The following GABRG3 variants were observed in gnomAD, a reference collection of about 807,000 sequenced individuals.
The protein encoded by GABRG3 is gamma-aminobutyric acid receptor subunit gamma-3.
GABRG3 carries 25 observed loss-of-function variants against 48.8 expected under a neutral mutation model. The observed-to-expected ratio is 0.51, with a 90% confidence interval of 0.37 to 0.72. The LOEUF (loss-of-function observed/expected upper bound fraction) is 0.72. Among genes scored for constraint, GABRG3 ranks in the 30% least tolerant of loss-of-function variants. The pLI, the probability that GABRG3 is intolerant of heterozygous loss-of-function variation, is 0.00. For synonymous variants in GABRG3, 227 were observed against 217.6 expected (o/e 1.04, Z -0.38); for missense variants, 394 against 577.9 (o/e 0.68, Z 3.26).
chr15:27,125,377 G>A (rs770038087), intron 3 of GABRG3, among the ~76,000 whole-genome samples: 2 of 152,068 alleles, frequency 1.3e-5, no homozygotes, highest in African/African-American at 4.8e-5. Flanking sequence ...GTGGGGAGAG[G>A]TTTGTTAATG....
intron 3 of GABRG3, among the ~76,000 whole-genome samples, chr15:27,189,848 T>C (rs1431812869): frequency 2.0e-5 from 3 of 152,098 alleles, no homozygotes; most frequent in African/African-American, 7.2e-5. Flanking sequence ...TTCAGTATGA[T>C]ATTGGCTGTG....
intron 3 of GABRG3, among the ~76,000 whole-genome samples, chr15:27,027,692 T>TA (rs1372774555): frequency 6.6e-6 from 1 of 152,228 alleles, no homozygotes; most frequent in African/African-American, 2.4e-5. Context: ...GTGATTCACT[T>TA]AAAAAATCTC....
intron 5 of GABRG3, among the ~76,000 whole-genome samples, chr15:27,347,702 T>A (rs1894422207): frequency 1.3e-5 from 2 of 152,186 alleles, no homozygotes; most frequent in South Asian, 4.1e-4. Flanking sequence ...CAGGAAAGTG[T>A]TGGGGGACCC....
chr15:27,129,110 A>G (rs1359264691), intron 3 of GABRG3, among the ~76,000 whole-genome samples: 1 of 152,224 alleles, frequency 6.6e-6, no homozygotes, highest in African/African-American at 2.4e-5. Context: ...GTTCAGTGTC[A>G]TTAAGAACAT....
chr15:27,015,332 A>C (rs2140670266), intron 2 of GABRG3, among the ~76,000 whole-genome samples: 1 of 150,972 alleles, frequency 6.6e-6, no homozygotes, highest in East Asian at 1.9e-4. Flanking sequence ...GATGTATTAT[A>C]ACTTTCTGCC....
intron 3 of GABRG3, among the ~76,000 whole-genome samples, chr15:27,320,449 G>A (rs1306926321): frequency 3.9e-5 from 6 of 152,128 alleles, no homozygotes; most frequent in Non-Finnish European, 8.8e-5. Context: ...CACAGCTTGT[G>A]TGTGGGAGCC....
At chr15:27,302,326 C>A (rs1351730985) in intron 3 of GABRG3, among the ~76,000 whole-genome samples, 1 of 151,960 alleles carries the variant, frequency 6.6e-6, no homozygotes, top group African/African-American at 2.4e-5. Flanking sequence ...TCAGTCTAAG[C>A]AGATTGTGAA....
intron 3 of GABRG3, among the ~76,000 whole-genome samples, chr15:27,290,279 T>A (rs1301482629): frequency 2.0e-5 from 3 of 152,102 alleles, no homozygotes; most frequent in Admixed American, 6.6e-5. Flanking sequence ...GCAAATCTTA[T>A]ATACAGAAAA....
At chr15:27,034,688 T>C (rs990904395) in intron 3 of GABRG3, among the ~76,000 whole-genome samples, 21 of 152,202 alleles carry the variant, frequency 1.4e-4, no homozygotes. Context: ...CCATGAGCCC[T>C]GGACCAAGGC....
intron 2 of GABRG3, among the ~76,000 whole-genome samples, chr15:26,977,930 G>A (rs531583906): frequency 4.6e-5 from 7 of 152,176 alleles, no homozygotes; most frequent in South Asian, 2.1e-4. Context: ...ACTATTTTTC[G>A]TTTCCCCCAG....
At chr15:27,518,300 C>T (rs1446409676) in intron 6 of GABRG3, among the ~76,000 whole-genome samples, 1 of 144,738 alleles carries the variant, frequency 6.9e-6, no homozygotes. Context: ...ACCTGGAAGG[C>T]GGAGGTTGCA....
At chr15:27,238,210 T>C (rs1890034427) in intron 3 of GABRG3, among the ~76,000 whole-genome samples, 1 of 151,132 alleles carries the variant, frequency 6.6e-6, no homozygotes, top group African/African-American at 2.4e-5. Context: ...GGATGAGGAA[T>C]GTATGCTTCC....
chr15:27,214,138 C>T (rs753088061), intron 3 of GABRG3, among the ~76,000 whole-genome samples: 12 of 152,100 alleles, frequency 7.9e-5, no homozygotes, highest in Non-Finnish European at 1.3e-4. Flanking sequence ...CTCTGATGGG[C>T]TCAATGTCAG....
chr15:27,224,321 C>T (rs1052014841), intron 3 of GABRG3, among the ~76,000 whole-genome samples: 2 of 152,184 alleles, frequency 1.3e-5, no homozygotes, highest in Admixed American at 6.5e-5. Context: ...AGTGCAGAAC[C>T]GTTTTCTTAG....
chr15:27,138,760 T>C (rs1296488972), intron 3 of GABRG3, among the ~76,000 whole-genome samples: 1 of 152,240 alleles, frequency 6.6e-6, no homozygotes, highest in African/African-American at 2.4e-5. Context: ...CATTGTCTTT[T>C]GGTTTTGCCT....
intron 3 of GABRG3, among the ~76,000 whole-genome samples, chr15:27,054,441 G>A (rs1024529256): frequency 2.0e-5 from 3 of 151,998 alleles, no homozygotes; most frequent in South Asian, 2.1e-4. Flanking sequence ...CAAGGAAGAA[G>A]GAAATAAGCA....
intron 5 of GABRG3, among the ~76,000 whole-genome samples, chr15:27,410,987 G>T (rs1566828842): frequency 6.6e-6 from 1 of 152,156 alleles, no homozygotes; most frequent in East Asian, 1.9e-4. Context: ...CATCAGCGAT[G>T]AGACATTAGG....
intron 3 of GABRG3, among the ~76,000 whole-genome samples, chr15:27,089,040 G>A (rs1257978943): frequency 6.6e-6 from 1 of 152,150 alleles, no homozygotes; most frequent in Non-Finnish European, 1.5e-5. Context: ...TGAGCAGGGC[G>A]TCTGAGAGCA....
chr15:27,349,741 A>G (rs143410031), intron 5 of GABRG3, among the ~76,000 whole-genome samples: 12,565 of 152,154 alleles, frequency 0.083, 1,354 homozygotes, highest in African/African-American at 0.25. Flanking sequence ...GCACAGGCAC[A>G]GTTTATCAAA....
Sources: allele counts gnomAD v4.1 joint callset (sites outside exome capture counted in the v4.1 genomes callset), GRCh38; gene constraint gnomAD v4.1.1; transcripts MANE v1.5; gene names NCBI Gene and HGNC (gene_info 2026-07-23, HGNC 2026-07-21).